Variants in ASNSD1 observed in about 807,000 individuals in gnomAD.
ASNSD1 encodes the protein asparagine synthetase domain-containing protein 1.
Under a neutral mutation model 48.3 loss-of-function variants are expected in ASNSD1, and 36 were observed. That is an observed-to-expected ratio of 0.75 (90% CI 0.57 to 0.99). The LOEUF (loss-of-function observed/expected upper bound fraction) is 0.99, where lower values mean the gene tolerates loss of function less well. Among genes scored for constraint, ASNSD1 ranks in the 50% least tolerant of loss-of-function variants. The pLI, the probability that ASNSD1 is intolerant of heterozygous loss-of-function variation, is 0.00. For synonymous variants in ASNSD1, 257 were observed against 262.1 expected (o/e 0.98, Z 0.19); for missense variants, 714 against 758.2 (o/e 0.94, Z 0.69).
Position 189,666,618 on chromosome 2 carries a change from A to G in ASNSD1, c.486A>G (p.Gln162=). 1.2e-6 allele frequency: 2 copies of G among 1,614,152 alleles called. No individual in the cohort carries two copies. Among genetic ancestry groups the G allele is most frequent in the Non-Finnish European group, 1.7e-6 (2 of 1,180,028 alleles). The stretch of plus-strand genomic sequence containing the variant: ...TCTGCCTCTCTTCAGTTGGCACCCA[A>G]ACATCTGGATTGGCAAATCAGTGGC... The part of the protein sequence containing the change: ...KSFCLSSVGT[Q]TSGLANQWQE... The change falls in exon 4 of 6, where the codon CAA becomes CAG. Residue 162 remains glutamine, a synonymous_variant. Transcript: ENST00000260952.
chr2:189,668,321 C>A (rs1173264134), intron 5 of ASNSD1, among the ~76,000 whole-genome samples: 3 of 148,954 alleles, frequency 2.0e-5, no homozygotes. Context: ...TCAAGACCAG[C>A]CTGGTAAACA....
intron 1 of ASNSD1, among the ~76,000 whole-genome samples, chr2:189,663,328 A>G (rs964276938): frequency 6.6e-6 from 1 of 152,186 alleles, no homozygotes; most frequent in East Asian, 1.9e-4. Context: ...ATCTTGGCTC[A>G]CTGCAGCCTC....
At chr2:189,661,961 C>A (rs750799337) in intron 1 of ASNSD1, among the ~76,000 whole-genome samples, 1 of 152,214 alleles carries the variant, frequency 6.6e-6, no homozygotes, top group Non-Finnish European at 1.5e-5. Context: ...ATGCCAGCAA[C>A]CCGGGGTCCA....
Position 189,666,226 on chromosome 2 carries a change from C to T in ASNSD1, c.94C>T (p.Pro32Ser). ...ACTATATAATCTTAAACAGCGGGGA[C>T]CCAATAGTAGTAAACAATTGTTAAA... ...DLLYNLKQRG[P>S]NSSKQLLKSD... The change falls in exon 4 of 6, where the codon CCC becomes TCC. Residue 32 changes from proline to serine, a missense_variant. Physicochemically the swap from Pro to Ser is moderately conservative, Grantham distance 74 (BLOSUM62 -1). Coordinates refer to ENST00000260952, the MANE Select transcript of ASNSD1 (RefSeq NM_019048.4). 1 of 1,613,940 alleles carries T rather than the reference C, an allele frequency of 6.2e-7. No homozygotes were observed. The highest frequency in any genetic ancestry group is 8.5e-7 in the Non-Finnish European group (1 of 1,179,932).
intron 1 of ASNSD1, among the ~76,000 whole-genome samples, chr2:189,662,183 A>G (rs541044114): frequency 6.6e-6 from 1 of 152,326 alleles, no homozygotes; most frequent in East Asian, 1.9e-4. Flanking sequence ...TGGTCCTAAA[A>G]CACGCATTGG....
Position 189,670,539 on chromosome 2 carries a change from T to G in ASNSD1, c.1745T>G (p.Leu582Ter). ...TTACCCCGAGGAATTGGTGAAAAAT[T>G]ACTTTTACGCCTTGCAGCTGTGGAA... ...LTLPRGIGEKLLLRLAAVELG... is the reference protein window; with the variant it reads ...LTLPRGIGEK The change falls in exon 6 of 6, where the codon TTA (leucine) becomes TGA (stop). Residue 582 changes from leucine to a stop codon, truncating the protein, a stop_gained. Coordinates refer to ENST00000260952, the MANE Select transcript of ASNSD1 (RefSeq NM_019048.4). LOFTEE classifies it high-confidence loss of function. The G allele has an allele frequency of 6.2e-7, 1 of 1,614,156 alleles. No individual in the cohort carries two copies. Among genetic ancestry groups the G allele is most frequent in the South Asian group, 1.1e-5 (1 of 91,078 alleles).
chr2:189,666,725 C>G lies in ASNSD1; in HGVS notation c.593C>G (p.Pro198Arg). The change falls in exon 4 of 6, where the codon CCT (proline) becomes CGT (arginine). Residue 198 changes from proline to arginine, a missense_variant. Coordinates refer to ENST00000260952, the MANE Select transcript of ASNSD1 (RefSeq NM_019048.4). ...GGATGCATTATTTTACAACTGTATC[C>G]TTGGAAATATATTTCTAGGGAGAAT... ...ISGCIILQLY[P>R]WKYISRENII... The G allele has an allele frequency of 6.2e-7, 1 of 1,613,014 alleles. No individual in the cohort carries two copies. The highest frequency in any genetic ancestry group is 2.2e-5 in the East Asian group (1 of 44,874).
chr2:189,666,868 A>C lies in ASNSD1; in HGVS notation c.736A>C (p.Met246Leu), dbSNP rs779225193. 1 of 1,614,108 alleles carries C rather than the reference A, an allele frequency of 6.2e-7. No individual in the cohort carries two copies. Among genetic ancestry groups the C allele is most frequent in the Non-Finnish European group, 8.5e-7 (1 of 1,180,008 alleles). ...YLEKPVVPLN[M>L]MLPQAALETH... is the part of the protein sequence containing the mutation. Reference sequence around the variant, plus strand: ...TGAAAAACCTGTTGTTCCTTTAAATATGATGTTGCCACAAGCTGCATTGGA... The same window carrying C: ...TGAAAAACCTGTTGTTCCTTTAAATCTGATGTTGCCACAAGCTGCATTGGA... The change falls in exon 4 of 6, where the codon ATG becomes CTG. Residue 246 changes from methionine (M) to leucine (L), a missense_variant. Physicochemically the swap from Met to Leu is conservative, Grantham distance 15. Coordinates refer to ENST00000260952, the MANE Select transcript of ASNSD1 (RefSeq NM_019048.4).
In ASNSD1 at chr2:189,663,883, TTTTC is replaced by T. The variant is rs2032728651; in HGVS notation, c.-222-14_-222-11del. On this transcript the variant is annotated splice_polypyrimidine_tract_variant and intron_variant, in intron 1 of 5. Transcript: ENST00000260952. The stretch of plus-strand genomic sequence containing the variant: ...TTTGAAAACATCTGACTTAAGGAGT[TTTTC>T]TTTATTTCAATAGATTAAAGAACAA... 5.2e-6 allele frequency: 2 copies of T among 386,438 alleles called. No individual in the cohort carries two copies. The highest frequency in any genetic ancestry group is 2.6e-4 in the South Asian group (2 of 7,712). 23.9% of individuals were successfully genotyped at this position (386,438 alleles called of 1,614,324 possible).
In ASNSD1 at chr2:189,665,974, T is replaced by C. The variant is rs2032792126; in HGVS notation, c.-92-67T>C. 3 of 710,216 alleles carry C rather than the reference T, an allele frequency of 4.2e-6. 1 individual carries two copies. The Admixed American group carries it at 1.1e-4, about 26-fold the overall frequency. The allele number at this position is 710,216 out of a possible 1,614,324, so 44.0% of individuals were successfully genotyped here. A position where few individuals can be genotyped will look rare whatever the true frequency, so the allele number is the denominator to read the frequency against. The stretch of plus-strand genomic sequence containing the variant: ...TTGGTAAACAGCTTGTGTTGCCCTC[T>C]GAATTGCTAGGTAAAAGTCCAAGAA... On this transcript the variant is annotated intron_variant, in intron 3 of 5. Coordinates refer to ENST00000260952, the MANE Select transcript of ASNSD1 (RefSeq NM_019048.4).
At position 189,667,028 on chromosome 2, in the gene ASNSD1, T is replaced by C. The variant is rs754446581; in HGVS notation, c.896T>C (p.Leu299Ser). The change falls in exon 4 of 6, where the codon TTG becomes TCG. Residue 299 changes from leucine to serine, a missense_variant. Physicochemically the swap from Leu to Ser is moderately radical, Grantham distance 145. Coordinates refer to ENST00000260952, the MANE Select transcript of ASNSD1 (RefSeq NM_019048.4). ...VLSVAVKKRV[L>S]CLPRDENLTA... ...AGTGTAGCAGTCAAGAAACGTGTCT[T>C]GTGTTTACCTAGGGATGAAAACCTG... 6.2e-7 allele frequency: 1 copy of C among 1,614,158 alleles called. No individual in the cohort carries two copies. The highest frequency in any genetic ancestry group is 2.2e-5 in the East Asian group (1 of 44,878).
chr2:189,662,917 CCAGCCTGGGTA>C (rs1457537220), intron 1 of ASNSD1, among the ~76,000 whole-genome samples: 1 of 144,770 alleles, frequency 6.9e-6, no homozygotes, highest in Non-Finnish European at 1.5e-5. Context: ...CCACTGCACT[CCAGCCTGGGTA>C]ACAGAGCAAG....
Position 189,666,671 on chromosome 2 carries a change from G to T in ASNSD1, c.539G>T (p.Arg180Ile). 6.2e-7 allele frequency: 1 copy of T among 1,613,978 alleles called. No individual in the cohort carries two copies. Among genetic ancestry groups the T allele is most frequent in the African/African-American group, 1.3e-5 (1 of 75,030 alleles). ...WQEVPASGLF[R>I]IDLKSTVISG... The stretch of plus-strand genomic sequence containing the variant: ...GAAGTTCCAGCATCTGGACTTTTCA[G>T]AATTGATCTTAAGTCTACTGTCATT... Residue 180 changes from arginine to isoleucine, a missense_variant, in exon 4 of 6, where the codon AGA (arginine) becomes ATA (isoleucine). Coordinates refer to ENST00000260952, the MANE Select transcript of ASNSD1 (RefSeq NM_019048.4).
chr2:189,668,323 T>C (rs1574280615), intron 5 of ASNSD1, among the ~76,000 whole-genome samples: 1 of 147,476 alleles, frequency 6.8e-6, no homozygotes, highest in Non-Finnish European at 1.5e-5. Context: ...AAGACCAGCC[T>C]GGTAAACATG....
intron 1 of ASNSD1, among the ~76,000 whole-genome samples, chr2:189,662,662 A>G (rs915553501): frequency 6.6e-6 from 1 of 152,202 alleles, no homozygotes; most frequent in Non-Finnish European, 1.5e-5. Flanking sequence ...GGTGTGTGTG[A>G]GGTAGCACAA....
intron 1 of ASNSD1, among the ~76,000 whole-genome samples, chr2:189,663,444 G>A (rs1054336298): frequency 6.6e-6 from 1 of 151,916 alleles, no homozygotes; most frequent in Non-Finnish European, 1.5e-5. Flanking sequence ...GTAGAGATGG[G>A]GTGTCTGCAT....
At chr2:189,664,831 C>CTG (rs2032748822) in intron 2 of ASNSD1, among the ~76,000 whole-genome samples, 3 of 84,334 alleles carry the variant, frequency 3.6e-5, no homozygotes, top group South Asian at 1.0e-3. Flanking sequence ...CAATTCAAAA[C>CTG]TATAACACTT....
Position 189,670,501 on chromosome 2 carries a change from A to G in ASNSD1, c.1707A>G (p.Lys569=). Residue 569 remains lysine (K), a synonymous_variant, in exon 6 of 6, where the codon AAA becomes AAG. Transcript: ENST00000260952. The stretch of plus-strand genomic sequence containing the variant: ...TAAATTCTCTGCCGATTTGGGAAAA[A>G]GCAAACTTGACTTTACCCCGAGGAA... ...SFLNSLPIWE[K]ANLTLPRGIG... The G allele has an allele frequency of 1.9e-6, 3 of 1,613,280 alleles. No homozygotes were observed. The highest frequency in any genetic ancestry group is 1.7e-6 in the Non-Finnish European group (2 of 1,179,600).
Position 189,666,305 on chromosome 2 carries a change from G to T in ASNSD1, c.173G>T (p.Gly58Val). 1 of 1,613,962 alleles carries T rather than the reference G, an allele frequency of 6.2e-7. No homozygotes were observed. Among genetic ancestry groups the T allele is most frequent in the Non-Finnish European group, 8.5e-7 (1 of 1,179,932 alleles). Residue 58 changes from glycine (G) to valine (V), a missense_variant, in exon 4 of 6, where the codon GGT (glycine) becomes GTT (valine). Transcript: ENST00000260952. ...LFSAHVLHLR[G>V]VLTTQPVEDE... ...TCTGCTCACGTCCTACACTTGAGGG[G>T]TGTTTTGACTACCCAGCCTGTGGAA...
Sources: allele counts gnomAD v4.1 joint callset (sites outside exome capture counted in the v4.1 genomes callset), GRCh38; gene constraint gnomAD v4.1.1; transcripts MANE v1.5; gene names NCBI Gene and HGNC (gene_info 2026-07-23, HGNC 2026-07-21).